FRMD4A: variants seen among roughly 807,000 people sequenced by gnomAD.
FRMD4A encodes the protein FERM domain containing 4A, also known as FERM domain-containing protein 4A.
Under a neutral mutation model 129.1 loss-of-function variants are expected in FRMD4A, and 29 were observed. The ratio of observed to expected loss-of-function variants is 0.22; its 90% confidence interval spans 0.17 to 0.31. The LOEUF (loss-of-function observed/expected upper bound fraction) is 0.31, where lower values mean the gene tolerates loss of function less well. Among genes scored for constraint, FRMD4A ranks in the 10% least tolerant of loss-of-function variants. The pLI is 1.00. For synonymous variants in FRMD4A, 634 were observed against 571.6 expected, an observed-to-expected ratio of 1.11 and a Z score of -1.56; for missense variants, 1,272 against 1,375.8, an observed-to-expected ratio of 0.92 and a Z score of 1.19.
intron 2 of FRMD4A, among the ~76,000 whole-genome samples, chr10:14,250,856 G>T (rs1844413850): frequency 6.6e-6 from 1 of 152,190 alleles, no homozygotes; most frequent in South Asian, 2.1e-4. Context: ...TGGGAGTGAT[G>T]TCCAGCACCT....
chr10:14,227,035 C>T (rs1469076793), intron 2 of FRMD4A, among the ~76,000 whole-genome samples: 5 of 152,054 alleles, frequency 3.3e-5, no homozygotes, highest in Non-Finnish European at 5.9e-5. Flanking sequence ...GCCCACACAC[C>T]CAGCCTCATG....
intron 2 of FRMD4A, among the ~76,000 whole-genome samples, chr10:14,233,969 A>G (rs1471194760): frequency 6.6e-6 from 1 of 152,240 alleles, no homozygotes; most frequent in African/African-American, 2.4e-5. Flanking sequence ...GCCATTGCTG[A>G]AAATTTAAAT....
At chr10:14,001,861 G>A (rs530076499) in intron 2 of FRMD4A, among the ~76,000 whole-genome samples, 73 of 152,276 alleles carry the variant, frequency 4.8e-4, no homozygotes, top group African/African-American at 1.8e-3. Flanking sequence ...TGCGCTCAAT[G>A]GTAATAAATA....
intron 2 of FRMD4A, among the ~76,000 whole-genome samples, chr10:14,154,045 G>A (rs542322622): frequency 6.6e-6 from 1 of 152,188 alleles, no homozygotes; most frequent in East Asian, 1.9e-4. Context: ...CTCTTCCAGC[G>A]CCTGAGGGAC....
chr10:14,131,733 G>A (rs1839271653), intron 2 of FRMD4A, among the ~76,000 whole-genome samples: 1 of 152,086 alleles, frequency 6.6e-6, no homozygotes, highest in South Asian at 2.1e-4. Context: ...AGATGAATAA[G>A]GTCATTTTCT....
At chr10:13,813,994 T>C (rs2093492543) in intron 3 of FRMD4A, among the ~76,000 whole-genome samples, 1 of 152,378 alleles carries the variant, frequency 6.6e-6, no homozygotes, top group African/African-American at 2.4e-5. Context: ...TGAAACATTT[T>C]TGATAATCTT....
chr10:14,057,753 A>G (rs1834610548), intron 2 of FRMD4A, among the ~76,000 whole-genome samples: 1 of 152,234 alleles, frequency 6.6e-6, no homozygotes. Flanking sequence ...TATTTTTAGT[A>G]GAGATGGGGT....
chr10:13,802,554 C>T (rs992240597), intron 4 of FRMD4A, among the ~76,000 whole-genome samples: 8 of 152,070 alleles, frequency 5.3e-5, no homozygotes, highest in Non-Finnish European at 1.2e-4. Context: ...TGGGCTCAAG[C>T]GATCCTTCTG....
intron 2 of FRMD4A, among the ~76,000 whole-genome samples, chr10:14,185,661 T>C (rs914968742): frequency 1.3e-5 from 2 of 152,132 alleles, no homozygotes; most frequent in Non-Finnish European, 2.9e-5. Flanking sequence ...GGTTGTTAGC[T>C]GTGCAGATGA....
At chr10:13,676,490 G>C (rs1287335704) in intron 15 of FRMD4A, among the ~76,000 whole-genome samples, 2 of 150,328 alleles carry the variant, frequency 1.3e-5, no homozygotes, top group Admixed American at 6.6e-5. Flanking sequence ...GGCCAGGCTG[G>C]TCTTGAACTC....
chr10:14,083,127 C>G (rs1836028888), intron 2 of FRMD4A: 1 of 152,170 alleles, frequency 6.6e-6, no homozygotes, highest in South Asian at 2.1e-4. Context: ...GAGACTGAAT[C>G]TGTAAGATCC....
At chr10:13,676,701 T>C (rs868556955) in intron 15 of FRMD4A, among the ~76,000 whole-genome samples, 2 of 152,086 alleles carry the variant, frequency 1.3e-5, no homozygotes, top group African/African-American at 2.4e-5. Context: ...TTCAAATACC[T>C]AGGGAGATTA....
Position 14,092,414 on chromosome 10 carries a change from T to A in FRMD4A, c.46-233502A>T, listed in dbSNP as rs1352353673. 2.0e-5 allele frequency among the ~76,000 whole-genome samples: 3 copies of A among 152,338 alleles called. No homozygotes were observed. The South Asian group carries it at 6.2e-4, about 32-fold the overall frequency. The stretch of plus-strand genomic sequence containing the variant: ...TTGGTTGCAACAGGACTGGGCCGAC[T>A]GGGAGCCCAGTGAGGCAGGGCTGGG... On this transcript the variant is annotated intron_variant, in intron 2 of 24. Coordinates refer to ENST00000357447, the MANE Select transcript of FRMD4A (RefSeq NM_018027.5).
intron 2 of FRMD4A, among the ~76,000 whole-genome samples, chr10:14,056,055 G>C (rs146394579): frequency 6.0e-4 from 92 of 152,164 alleles, no homozygotes; most frequent in African/African-American, 2.1e-3. Flanking sequence ...TTTTAGAGAT[G>C]TAGTCTCACT....
intron 2 of FRMD4A, among the ~76,000 whole-genome samples, chr10:14,302,405 G>A (rs1846214613): frequency 6.6e-6 from 1 of 152,124 alleles, no homozygotes; most frequent in South Asian, 2.1e-4. Context: ...TTGTATTAAA[G>A]GAACTTTGTT....
Position 13,900,713 on chromosome 10 carries a change from A to T in FRMD4A, c.46-41801T>A, listed in dbSNP as rs138129955. Among the ~76,000 whole-genome samples, 17 of 152,180 alleles carry T rather than the reference A, an allele frequency of 1.1e-4. No individual in the cohort carries two copies. The East Asian group carries it at 3.3e-3, about 29-fold the overall frequency. ...GGAGTTTGAGACCAGCCTGGCCAAC[A>T]TGGTGAAACCCCATCTCTACTAAAA... On this transcript the variant is annotated intron_variant, in intron 2 of 24. Coordinates refer to ENST00000357447, the MANE Select transcript of FRMD4A (RefSeq NM_018027.5).
At chr10:13,685,355 A>G (rs1336470713) in intron 15 of FRMD4A, 8 of 983,476 alleles carry the variant, frequency 8.1e-6, no homozygotes, top group Non-Finnish European at 9.7e-6. Context: ...GTAATTTAAC[A>G]GAGAGAGAGG....
rs1181861865 is a variant in FRMD4A, at chr10:13,660,459, G to T, written c.1755C>A (p.Pro585=). Residue 585 remains proline (P), a synonymous_variant, in exon 20 of 25, where the codon CCC becomes CCA. Coordinates refer to ENST00000357447, the MANE Select transcript of FRMD4A (RefSeq NM_018027.5). ...RPPSHNRPPP[P]QSLEGLRQMH... is the part of the protein sequence containing the mutation. ...TCTGTCGGAGTCCCTCCAGGGACTG[G>T]GGAGGAGGAGGCCTGTTGTGCGACG... 1 of 1,613,226 alleles carries T rather than the reference G, an allele frequency of 6.2e-7. No homozygotes were observed. Among genetic ancestry groups the T allele is most frequent in the Non-Finnish European group, 8.5e-7 (1 of 1,179,134 alleles).
At chr10:13,656,264 T>C (rs1366562616) in intron 22 of FRMD4A, among the ~76,000 whole-genome samples, 1 of 152,220 alleles carries the variant, frequency 6.6e-6, no homozygotes, top group Non-Finnish European at 1.5e-5. Flanking sequence ...GGGCTTTCAC[T>C]GGGATACTCT....
Sources: gnomAD v4.1 joint callset for allele counts (sites outside exome capture counted in the v4.1 genomes callset) on GRCh38, gnomAD v4.1.1 for gene constraint, MANE v1.5 for transcripts, NCBI Gene and HGNC (gene_info 2026-07-23, HGNC 2026-07-21) for gene names.